The following SLAMF7 variants were observed in gnomAD, a reference collection of about 807,000 sequenced individuals.
The protein encoded by SLAMF7 is 19A24 protein.
In SLAMF7, 26 loss-of-function variants were observed where a neutral mutation model predicts 34.1. That is an observed-to-expected ratio of 0.76 (90% CI 0.56 to 1.06). The LOEUF (loss-of-function observed/expected upper bound fraction) is 1.06, where lower values mean the gene tolerates loss of function less well. Among genes scored for constraint, SLAMF7 ranks in the 50% least tolerant of loss-of-function variants. SLAMF7 has a pLI of 0.00. For missense variants in SLAMF7, 399 were observed against 402.5 expected, an observed-to-expected ratio of 0.99 and a Z score of 0.07; for synonymous variants, 171 against 156.4, an observed-to-expected ratio of 1.09 and a Z score of -0.70.
chr1:160,751,103 C>T (rs951414915), intron 4 of SLAMF7: 30 of 473,008 alleles, frequency 6.3e-5, no homozygotes, highest in Non-Finnish European at 1.0e-4. Flanking sequence ...TCTCTACTTC[C>T]CACTTTGACC....
At chr1:160,751,856 C>CTATA (rs1664634529) in intron 5 of SLAMF7, 1 of 45,540 alleles carries the variant, frequency 2.2e-5, no homozygotes, top group Non-Finnish European at 4.0e-5. Flanking sequence ...CTCTCTCTCT[C>CTATA]TCTCTCTATA....
chr1:160,749,999 A>T lies in SLAMF7; in HGVS notation c.555A>T (p.Arg185Ser), dbSNP rs1200459671. The change falls in exon 3 of 7, where the codon AGA becomes AGT. Residue 185 changes from arginine to serine, a missense_variant. Transcript: ENST00000368043. Reference protein sequence around the residue: ...HNGSILPISWRWGESDMTFIC... With the variant: ...HNGSILPISWSWGESDMTFIC... The stretch of plus-strand genomic sequence containing the variant: ...GGTCCATCCTCCCCATCTCCTGGAG[A>T]TGGGGAGAAAGTGATATGACCTTCA... 1 of 1,613,938 alleles carries T rather than the reference A, an allele frequency of 6.2e-7. No individual in the cohort carries two copies. Among genetic ancestry groups the T allele is most frequent in the Admixed American group, 1.7e-5 (1 of 60,004 alleles).
intron 1 of SLAMF7, chr1:160,739,709 TC>T (rs1663578294): frequency 4.6e-6 from 1 of 217,854 alleles, no homozygotes; most frequent in African/African-American, 2.3e-5. Flanking sequence ...TAGCCTTCTC[TC>T]CTTTTGAGGG....
chr1:160,745,393 A>AG (rs780131140), intron 1 of SLAMF7, among the ~76,000 whole-genome samples: 110 of 152,334 alleles, frequency 7.2e-4, no homozygotes, highest in Non-Finnish European at 1.4e-3. Context: ...TACAAACGCC[A>AG]GGGGGCCTTC....
chr1:160,743,034 G>A (rs774614642), intron 1 of SLAMF7, among the ~76,000 whole-genome samples: 3 of 152,132 alleles, frequency 2.0e-5, no homozygotes, highest in Non-Finnish European at 4.4e-5. Flanking sequence ...GAGGAGAAGC[G>A]ACCTCTACCC....
intron 1 of SLAMF7, among the ~76,000 whole-genome samples, chr1:160,746,239 C>T (rs944250317): frequency 1.3e-5 from 2 of 152,114 alleles, no homozygotes; most frequent in Non-Finnish European, 2.9e-5. Flanking sequence ...GAATCCAGCC[C>T]GGATCACATT....
At chr1:160,740,284 AAAAAAAAAAAAC>A (rs914094348) in intron 1 of SLAMF7, among the ~76,000 whole-genome samples, 258 of 10,286 alleles carry the variant, frequency 0.025, no homozygotes, top group African/African-American at 0.11. Flanking sequence ...CCCTCACTTT[AAAAAAAAAAAAC>A]AAAAAAAAAA....
chr1:160,739,244 T>G, upstream of SLAMF7: 1 of 1,491,708 alleles, frequency 6.7e-7, no homozygotes, highest in Non-Finnish European at 9.4e-7. Context: ...GGAAGAGGTC[T>G]GAGTAATACC....
intron 1 of SLAMF7, among the ~76,000 whole-genome samples, chr1:160,744,680 A>C (rs988726152): frequency 6.6e-6 from 1 of 152,214 alleles, no homozygotes; most frequent in Admixed American, 6.5e-5. Context: ...CCTCACCTTA[A>C]ATTATAGCTT....
Sources: gnomAD v4.1 joint callset for allele counts (sites outside exome capture counted in the v4.1 genomes callset) on GRCh38, gnomAD v4.1.1 for gene constraint, MANE v1.5 for transcripts, NCBI Gene and HGNC (gene_info 2026-07-23, HGNC 2026-07-21) for gene names.